ITPR1: variants seen among roughly 807,000 people sequenced by gnomAD.
ITPR1 encodes inositol 1,4,5-trisphosphate receptor type 1, also known as inositol 1,4,5-trisphosphate-gated calcium channel ITPR1.
Under a neutral mutation model 318.4 loss-of-function variants are expected in ITPR1, and 96 were observed. The observed-to-expected ratio is 0.30, with a 90% CI of 0.26 to 0.36. ITPR1 has a LOEUF of 0.36. Among genes scored for constraint, ITPR1 ranks in the 10% least tolerant of loss-of-function variants. The pLI is 1.00. For missense variants in ITPR1, 2,440 were observed against 3,460.2 expected (o/e 0.71, Z 7.40); for synonymous variants, 1,312 against 1,289.9 (o/e 1.02, Z -0.37).
intron 43 of ITPR1, 134 bp from the exon 44 acceptor site, chr3:4,735,030 G>T: frequency 1.5e-6 from 1 of 680,178 alleles, no homozygotes; most frequent in Non-Finnish European, 2.5e-6. Flanking sequence ...TATTTTCCTT[G>T]TGGGATTAAA....
chr3:4,595,930 C>A (rs2090773662), intron 4 of ITPR1: 1 of 152,090 alleles, frequency 6.6e-6, no homozygotes. Flanking sequence ...GTATGTTTTT[C>A]TTTGAAACTG....
intron 61 of ITPR1, among the ~76,000 whole-genome samples, chr3:4,839,249 C>T (rs1055235420): frequency 2.0e-5 from 3 of 152,062 alleles, no homozygotes; most frequent in East Asian, 1.9e-4. Context: ...ATCGCTTGAA[C>T]CCAGGAGGCG....
chr3:4,577,974 C>T (rs536438572), intron 4 of ITPR1, among the ~76,000 whole-genome samples: 2 of 152,334 alleles, frequency 1.3e-5, no homozygotes, highest in East Asian at 3.9e-4. Context: ...CACAGAAAAT[C>T]TTGAAGGATA....
chr3:4,639,519 T>A, intron 6 of ITPR1, 49 bp downstream of exon 6: 2 of 1,352,446 alleles, frequency 1.5e-6, no homozygotes, highest in Non-Finnish European at 2.1e-6. Context: ...TTACAAAGAA[T>A]GCAGCTGAGG....
At chr3:4,817,943 A>T in intron 59 of ITPR1, 139 bp from the exon 60 acceptor site, 1 of 630,300 alleles carries the variant, frequency 1.6e-6, no homozygotes, top group Admixed American at 3.2e-5. Flanking sequence ...GAATGTACTT[A>T]TAAGGCCGAC....
At chr3:4,662,976 G>T (rs573435111) in intron 15 of ITPR1, 89 bp from the exon 16 acceptor site, 6 of 1,165,106 alleles carry the variant, frequency 5.1e-6, no homozygotes, top group South Asian at 3.0e-5. Context: ...TGTTTAACTG[G>T]CTCATTCGTC....
chr3:4,822,936 T>G (rs2049825037), intron 60 of ITPR1, among the ~76,000 whole-genome samples: 1 of 152,262 alleles, frequency 6.6e-6, no homozygotes, highest in Non-Finnish European at 1.5e-5. Context: ...TGAATTTTGG[T>G]GCCATCCTAG....
At chr3:4,792,397 A>G (rs1041688364) in intron 52 of ITPR1, among the ~76,000 whole-genome samples, 5 of 152,228 alleles carry the variant, frequency 3.3e-5, no homozygotes, top group Non-Finnish European at 7.3e-5. Context: ...TTGCCCCAAC[A>G]TGTCGTGACT....
chr3:4,789,631 G>A (rs1392997267), intron 52 of ITPR1, among the ~76,000 whole-genome samples: 1 of 143,978 alleles, frequency 6.9e-6, no homozygotes, highest in African/African-American at 2.6e-5. Flanking sequence ...TTTTGTTTTT[G>A]TTTTTTGAGA....
chr3:4,763,065 G>A (rs1266936912), intron 44 of ITPR1, among the ~76,000 whole-genome samples: 1 of 152,180 alleles, frequency 6.6e-6, no homozygotes, highest in East Asian at 1.9e-4. Flanking sequence ...CATGGATGAA[G>A]CCAGAAGCCA....
At chr3:4,495,171 G>A (rs2080451081) in intron 2 of ITPR1, among the ~76,000 whole-genome samples, 2 of 151,888 alleles carry the variant, frequency 1.3e-5, no homozygotes, top group Admixed American at 6.6e-5. Flanking sequence ...TGGTCAGACT[G>A]CATTTGAAGA....
chr3:4,562,056 A>G (rs888098591), intron 4 of ITPR1, among the ~76,000 whole-genome samples: 5 of 151,850 alleles, frequency 3.3e-5, no homozygotes, highest in Non-Finnish European at 1.5e-5. Context: ...CTTAGGCCAC[A>G]CAGAAAATAC....
intron 10 of ITPR1, among the ~76,000 whole-genome samples, chr3:4,648,163 A>AT (rs961138343): frequency 7.9e-5 from 12 of 152,216 alleles, no homozygotes; most frequent in African/African-American, 2.9e-4. Context: ...AAAAAAAAAA[A>AT]GGATCAAGTT....
At chr3:4,723,281 A>G (rs1439042715) in intron 40 of ITPR1, among the ~76,000 whole-genome samples, 10 of 152,218 alleles carry the variant, frequency 6.6e-5, no homozygotes, top group Admixed American at 6.5e-4. Context: ...TGGATGAGCC[A>G]TAGTCACAGG....
intron 46 of ITPR1, among the ~76,000 whole-genome samples, chr3:4,769,457 A>T (rs1396953449): frequency 6.6e-6 from 1 of 152,246 alleles, no homozygotes; most frequent in Non-Finnish European, 1.5e-5. Flanking sequence ...CTAAAATTGG[A>T]TACATAGAAA....
intron 4 of ITPR1, among the ~76,000 whole-genome samples, chr3:4,562,443 A>G (rs2086776602): frequency 6.6e-6 from 1 of 152,202 alleles, no homozygotes; most frequent in Non-Finnish European, 1.5e-5. Context: ...TTTTACTGAT[A>G]GTATGTGCAA....
intron 20 of ITPR1, among the ~76,000 whole-genome samples, chr3:4,672,641 TG>T (rs541359276): frequency 2.8e-3 from 432 of 152,318 alleles, no homozygotes; most frequent in Non-Finnish European, 4.6e-3. Flanking sequence ...GTAAATGAAA[TG>T]TTTTTTTACA....
At chr3:4,533,790 C>G (rs1463926640) in intron 4 of ITPR1, among the ~76,000 whole-genome samples, 1 of 152,214 alleles carries the variant, frequency 6.6e-6, no homozygotes, top group Non-Finnish European at 1.5e-5. Flanking sequence ...GGGCTTTTCT[C>G]TCCTCGCACG....
At chr3:4,634,260 C>G (rs1263572179) in intron 5 of ITPR1, among the ~76,000 whole-genome samples, 1 of 152,030 alleles carries the variant, frequency 6.6e-6, no homozygotes, top group Non-Finnish European at 1.5e-5. Context: ...ATCACCCACG[C>G]TGGTGTGCAG....
Sources: gnomAD v4.1 joint callset for allele counts (sites outside exome capture counted in the v4.1 genomes callset) on GRCh38, gnomAD v4.1.1 for gene constraint, MANE v1.5 for transcripts, NCBI Gene and HGNC (gene_info 2026-07-23, HGNC 2026-07-21) for gene names.